Variants in IL7R observed in about 807,000 individuals in gnomAD.
The protein encoded by IL7R is interleukin-7 receptor subunit alpha.
Under a neutral mutation model 47.0 loss-of-function variants are expected in IL7R, and 38 were observed. The observed-to-expected ratio is 0.81, with a 90% confidence interval of 0.62 to 1.06. IL7R has a LOEUF of 1.06. Ranked by LOEUF, IL7R falls within the 50% of genes least tolerant of loss-of-function variation. The pLI, the probability that IL7R is intolerant of heterozygous loss-of-function variation, is 0.00. For synonymous variants in IL7R, 221 were observed against 199.8 expected (o/e 1.11, Z -0.89); for missense variants, 633 against 534.8 (o/e 1.18, Z -1.81).
intron 1 of IL7R, among the ~76,000 whole-genome samples, chr5:35,860,495 A>T (rs932465899): frequency 2.6e-5 from 4 of 152,242 alleles, no homozygotes; most frequent in Admixed American, 2.6e-4. Context: ...ATGAACAATC[A>T]ATGTAACAAA....
intron 4 of IL7R, among the ~76,000 whole-genome samples, chr5:35,871,582 C>T (rs11567751): frequency 0.26 from 39,334 of 152,096 alleles, 5,322 homozygotes; most frequent in Middle Eastern, 0.31. Context: ...ATCACCAAGT[C>T]GTAGCCACAT....
Position 35,879,467 on chromosome 5 carries a change from T to C in IL7R, c.*2981T>C, listed in dbSNP as rs759593338. 4.3e-6 allele frequency: 1 copy of C among 232,462 alleles called. No individual in the cohort carries two copies. Among genetic ancestry groups the C allele is most frequent in the Non-Finnish European group, 8.5e-6 (1 of 117,586 alleles). 14.4% of individuals were successfully genotyped at this position (232,462 alleles called of 1,614,324 possible). On this transcript the variant is annotated 3_prime_UTR_variant, in exon 8 of 8. Transcript: ENST00000303115. Reference sequence around the variant, plus strand: ...GGACTATTCTTTAAAATATCCATTGTTCACTACAGTGAAGATCTCTGATTT... The same window carrying C: ...GGACTATTCTTTAAAATATCCATTGCTCACTACAGTGAAGATCTCTGATTT...
chr5:35,871,476 A>G (rs1760074287), intron 4 of IL7R, among the ~76,000 whole-genome samples: 1 of 152,182 alleles, frequency 6.6e-6, no homozygotes, highest in Non-Finnish European at 1.5e-5. Context: ...ATATAGATTG[A>G]GGCCAAATTA....
At chr5:35,860,745 C>CAGACA (rs1397360052) in intron 1 of IL7R, 107 bp from the exon 2 acceptor site, 1 of 1,111,516 alleles carries the variant, frequency 9.0e-7, no homozygotes, top group Non-Finnish European at 1.4e-6. Flanking sequence ...TAATCCATTA[C>CAGACA]TATTTCATGT....
Position 35,864,496 on chromosome 5 carries a change from G to A in IL7R, c.222-2810G>A, listed in dbSNP as rs188503630. ...TATACCATTCTACTCTCCTTCCAGC[G>A]ATGCATGAGAGATATACATCATTTG... On this transcript the variant is annotated intron_variant, in intron 2 of 7. Transcript: ENST00000303115. 3.5e-3 allele frequency among the ~76,000 whole-genome samples: 537 copies of A among 152,230 alleles called. 3 individuals carry two copies. Among genetic ancestry groups the A allele is most frequent in the Middle Eastern group, 0.01 (3 of 294 alleles).
In IL7R at chr5:35,873,608, A is replaced by G; in HGVS notation, c.666A>G (p.Pro222=). ...YFKGFWSEWS[P]SYYFRTPEIN... ...AAGGCTTCTGGAGTGAATGGAGTCCAAGTTATTACTTCAGAACTCCAGAGA... is the reference window on the plus strand; with the variant it reads ...AAGGCTTCTGGAGTGAATGGAGTCCGAGTTATTACTTCAGAACTCCAGAGA... The change falls in exon 5 of 8, where the codon CCA becomes CCG. Residue 222 remains proline (P), a synonymous_variant. Coordinates refer to ENST00000303115, the MANE Select transcript of IL7R (RefSeq NM_002185.5). 1 of 1,614,026 alleles carries G rather than the reference A, an allele frequency of 6.2e-7. No homozygotes were observed. The highest frequency in any genetic ancestry group is 8.5e-7 in the Non-Finnish European group (1 of 1,179,886).
At position 35,876,742 on chromosome 5, in the gene IL7R, T is replaced by TAA. The variant is rs202167692; in HGVS notation, c.*265_*266dup. 8 of 423,668 alleles carry TAA rather than the reference T, an allele frequency of 1.9e-5. No homozygotes were observed. Among genetic ancestry groups the TAA allele is most frequent in the Non-Finnish European group, 3.0e-5 (7 of 235,302 alleles). The allele number at this position is 423,668 out of a possible 1,614,324, so 26.2% of individuals were successfully genotyped here. A position where few individuals can be genotyped will look rare whatever the true frequency, so the allele number is the denominator to read the frequency against. ...AAGGTGACCCAATGATTCAGCTATT[T>TAA]AAAAAAAAAAGAGGAAAGAATGAAA... On this transcript the variant is annotated 3_prime_UTR_variant, in exon 8 of 8. Coordinates refer to ENST00000303115, the MANE Select transcript of IL7R (RefSeq NM_002185.5).
chr5:35,873,217 C>T, intron 4 of IL7R: 1 of 503,720 alleles, frequency 2.0e-6, no homozygotes, highest in Non-Finnish European at 3.6e-6. Flanking sequence ...AAAGGGAGAT[C>T]CTGGGCAGTG....
intron 3 of IL7R, among the ~76,000 whole-genome samples, chr5:35,870,534 G>A (rs892847271): frequency 6.6e-6 from 1 of 152,202 alleles, no homozygotes; most frequent in African/African-American, 2.4e-5. Context: ...TTAGTAACAA[G>A]TTCTCCAATA....
intron 3 of IL7R, chr5:35,867,728 G>T (rs1359663930): frequency 3.3e-6 from 2 of 600,554 alleles, no homozygotes; most frequent in Non-Finnish European, 5.9e-6. Flanking sequence ...CTGGAGCTGG[G>T]CTTCCTGTCA....
intron 4 of IL7R, chr5:35,873,263 T>G: frequency 1.7e-6 from 1 of 588,684 alleles, no homozygotes; most frequent in Non-Finnish European, 3.0e-6. Flanking sequence ...CATTTCACTC[T>G]CCTCCTTGAC....
Position 35,877,685 on chromosome 5 carries a change from T to TG in IL7R, c.*1199_*1200insG, listed in dbSNP as rs1243124270. On this transcript the variant is annotated 3_prime_UTR_variant, in exon 8 of 8. Coordinates refer to ENST00000303115, the MANE Select transcript of IL7R (RefSeq NM_002185.5). ...TGCCACAAACTTCAGGGAGAAAGAGTTACAAGTACATGCAATGAGTGAACT... is the reference window on the plus strand; with the variant it reads ...TGCCACAAACTTCAGGGAGAAAGAGTGTACAAGTACATGCAATGAGTGAACT... The TG allele has an allele frequency of 1.3e-5, 3 of 233,130 alleles. No homozygotes were observed. Among genetic ancestry groups the TG allele is most frequent in the Non-Finnish European group, 2.5e-5 (3 of 118,090 alleles). The allele number at this position is 233,130 out of a possible 1,614,324, so 14.4% of individuals were successfully genotyped here. A position where few individuals can be genotyped will look rare whatever the true frequency, so the allele number is the denominator to read the frequency against.
intron 2 of IL7R, among the ~76,000 whole-genome samples, chr5:35,865,268 G>C (rs1759913177): frequency 6.6e-6 from 1 of 152,130 alleles, no homozygotes; most frequent in African/African-American, 2.4e-5. Flanking sequence ...CTTCATCCAT[G>C]TCCCTATAAA....
At chr5:35,867,497 T>C (rs926877898) in intron 3 of IL7R, 34 bp downstream of exon 3, 8 of 1,579,518 alleles carry the variant, frequency 5.1e-6, no homozygotes, top group South Asian at 1.1e-5. Context: ...TGGTTGTCAC[T>C]TTTGGGCTAC....
At chr5:35,866,043 C>A (rs11567772) in intron 2 of IL7R, among the ~76,000 whole-genome samples, 1,640 of 152,220 alleles carry the variant, frequency 0.011, 19 homozygotes, top group Non-Finnish European at 0.015. Context: ...ATGATATTAA[C>A]TATAGGCTTT....
At position 35,878,640 on chromosome 5, in the gene IL7R, C is replaced by A. The variant is rs894489866; in HGVS notation, c.*2154C>A. ...GGAGTCAAGTCTCAAATAGGAGGCTCCACAAAATCTCATGCCAGGTCTCTG... is the reference window on the plus strand; with the variant it reads ...GGAGTCAAGTCTCAAATAGGAGGCTACACAAAATCTCATGCCAGGTCTCTG... On this transcript the variant is annotated 3_prime_UTR_variant, in exon 8 of 8. Transcript: ENST00000303115. The A allele has an allele frequency of 4.3e-5, 10 of 232,556 alleles. No individual in the cohort carries two copies. The highest frequency in any genetic ancestry group is 8.5e-5 in the Non-Finnish European group (10 of 117,728). 14.4% of individuals were successfully genotyped at this position (232,556 alleles called of 1,614,324 possible). A position where few individuals can be genotyped will look rare whatever the true frequency, so the allele number is the denominator to read the frequency against.
At chr5:35,864,240 T>A (rs990062291) in intron 2 of IL7R, among the ~76,000 whole-genome samples, 3 of 152,220 alleles carry the variant, frequency 2.0e-5, no homozygotes, top group African/African-American at 7.2e-5. Context: ...AATTCCACTG[T>A]ATGAATATAC....
chr5:35,866,314 G>A lies in IL7R; in HGVS notation c.222-992G>A, dbSNP rs115835014. 7.4e-3 allele frequency among the ~76,000 whole-genome samples: 1,124 copies of A among 152,146 alleles called. 7 individuals are homozygous for A. Among genetic ancestry groups the A allele is most frequent in the Non-Finnish European group, 0.012 (785 of 67,988 alleles). ...AAAATTAGTGTGTTAGTATTTTCTT[G>A]TGAAAGTTTGCTTATACATTTTTGA... On this transcript the variant is annotated intron_variant, in intron 2 of 7. Coordinates refer to ENST00000303115, the MANE Select transcript of IL7R (RefSeq NM_002185.5).
At chr5:35,858,250 G>T (rs1275490043) in intron 1 of IL7R, among the ~76,000 whole-genome samples, 1 of 152,102 alleles carries the variant, frequency 6.6e-6, no homozygotes, top group Non-Finnish European at 1.5e-5. Context: ...TTTTTTAGAA[G>T]ATGTATAATT....
Sources: gnomAD v4.1 joint callset for allele counts (sites outside exome capture counted in the v4.1 genomes callset) on GRCh38, gnomAD v4.1.1 for gene constraint, MANE v1.5 for transcripts, NCBI Gene and HGNC (gene_info 2026-07-23, HGNC 2026-07-21) for gene names.